Variants in CES1 observed in about 807,000 individuals in gnomAD.
The protein encoded by CES1 is carboxylesterase 1, also known as liver carboxylesterase 1.
A neutral mutation model predicts 53.0 loss-of-function variants in CES1; 50 were observed. That is an observed-to-expected ratio of 0.94 (90% CI 0.75 to 1.19). The LOEUF is 1.19. Among genes scored for constraint, CES1 ranks in the 50% most tolerant of loss-of-function variants. The probability of loss-of-function intolerance (pLI) is 0.00; values close to 1 mark genes in which losing one functional copy is unlikely to be tolerated. For missense variants in CES1, 534 were observed against 538.0 expected (o/e 0.99, Z 0.07); for synonymous variants, 202 against 210.1 (o/e 0.96, Z 0.33).
intron 4 of CES1, among the ~76,000 whole-genome samples, chr16:55,823,168 G>T (rs145974088): frequency 6.6e-6 from 1 of 151,070 alleles, no homozygotes; most frequent in Non-Finnish European, 1.5e-5. Flanking sequence ...CTTTCCATGA[G>T]AAGTCAGATG....
chr16:55,810,500 C>A lies in CES1; in HGVS notation c.1318+17G>T. 6.2e-7 allele frequency: 1 copy of A among 1,614,060 alleles called. No homozygotes were observed. The highest frequency in any genetic ancestry group is 8.5e-7 in the Non-Finnish European group (1 of 1,180,018). On this transcript the variant is annotated intron_variant, in intron 11 of 13. Transcript: ENST00000360526. ...TCGTGGGGTTTGTGTCCCTCCCGTT[C>A]GACCTCTGGGACTCACCTCTGTGGT... is the stretch of plus-strand genomic sequence containing the variant.
chr16:55,809,529 C>G (rs1169578008), intron 11 of CES1, among the ~76,000 whole-genome samples: 1 of 152,244 alleles, frequency 6.6e-6, no homozygotes, highest in African/African-American at 2.4e-5. Flanking sequence ...AGACACTCCT[C>G]TCTAGGTGAG....
chr16:55,827,857 T>A (rs2032478184), intron 2 of CES1: 1 of 152,176 alleles, frequency 6.6e-6, no homozygotes. Flanking sequence ...AAAACTGGAA[T>A]ACAAACAATA....
chr16:55,826,945 TC>T (rs1290093055), intron 2 of CES1, among the ~76,000 whole-genome samples: 1 of 152,200 alleles, frequency 6.6e-6, no homozygotes, highest in Non-Finnish European at 1.5e-5. Flanking sequence ...CATTTAAGCC[TC>T]AGACTAGTCC....
In CES1 at chr16:55,820,446, G is replaced by T. The variant is rs376173751; in HGVS notation, c.727C>A (p.Arg243=). 2.3e-5 allele frequency: 37 copies of T among 1,594,910 alleles called. No individual in the cohort carries two copies. Among genetic ancestry groups the T allele is most frequent in the Non-Finnish European group, 3.0e-5 (35 of 1,168,042 alleles). Residue 243 remains arginine, a synonymous_variant, in exon 6 of 14, where the codon CGG becomes AGG. Coordinates refer to ENST00000360526, the MANE Select transcript of CES1 (RefSeq NM_001025195.2). The stretch of plus-strand genomic sequence containing the variant: ...GCCACGCCACTCTCAGAAATGGCCC[G>T]GTGGAAGAGGTTCTTGGCCAATGGA... ...LSPLAKNLFH[R]AISESGVALT...
Position 55,825,413 on chromosome 16 carries a change from C to T in CES1, c.405+738G>A, listed in dbSNP as rs542741132. 2.8e-4 allele frequency among the ~76,000 whole-genome samples: 42 copies of T among 152,366 alleles called. No homozygotes were observed. In the South Asian group the frequency reaches 6.0e-3, roughly 22 times the overall value. The stretch of plus-strand genomic sequence containing the variant: ...ACCCTCCCCACCCTCCAACCTGCAG[C>T]TGGCGGGCTGCCCCATGTCCTGCCC... On this transcript the variant is annotated intron_variant, in intron 3 of 13. Coordinates refer to ENST00000360526, the MANE Select transcript of CES1 (RefSeq NM_001025195.2).
chr16:55,811,524 C>A (rs1023291080), intron 9 of CES1, among the ~76,000 whole-genome samples: 10 of 152,184 alleles, frequency 6.6e-5, no homozygotes, highest in Non-Finnish European at 1.3e-4. Context: ...CACATAACAA[C>A]TCTTCCCAAA....
intron 9 of CES1, 96 bp from the exon 10 acceptor site, chr16:55,811,106 C>A: frequency 9.7e-7 from 1 of 1,035,042 alleles, no homozygotes; most frequent in South Asian, 1.3e-5. Context: ...GTCTGAAAGT[C>A]CTCTAATTAT....
At chr16:55,808,605 T>A (rs1339541722) in intron 11 of CES1, among the ~76,000 whole-genome samples, 7 of 152,214 alleles carry the variant, frequency 4.6e-5, no homozygotes, top group African/African-American at 1.7e-4. Context: ...TTGTCCAACC[T>A]AGTTATTTAC....
chr16:55,821,409 T>C lies in CES1; in HGVS notation c.652A>G (p.Ile218Val). 3 of 1,614,160 alleles carry C rather than the reference T, an allele frequency of 1.9e-6. No homozygotes were observed. The highest frequency in any genetic ancestry group is 1.6e-4 in the Middle Eastern group (1 of 6,062). The stretch of plus-strand genomic sequence containing the variant: ...TCTCCTCCCGCTGACTCTCCAAAGA[T>C]GGTCACAGAGCCTGGGTTCCCTCCA... ...SFGGNPGSVT[I>V]FGESAGGESV... Residue 218 changes from isoleucine (I) to valine (V), a missense_variant, in exon 5 of 14, where the codon ATC (isoleucine) becomes GTC (valine). By Grantham distance (29) the Ile-to-Val change is conservative (BLOSUM62 3). Transcript: ENST00000360526.
Position 55,819,488 on chromosome 16 carries a change from C to G in CES1, c.906+47G>C, listed in dbSNP as rs1246131851. On this transcript the variant is annotated intron_variant, in intron 7 of 13. Coordinates refer to ENST00000360526, the MANE Select transcript of CES1 (RefSeq NM_001025195.2). ...AAGAGGACAGCTGAAATGAAGAAGT[C>G]TGGGACCAAGTTTACAGGGTTTGGG... 9.9e-6 allele frequency: 14 copies of G among 1,415,840 alleles called. No homozygotes were observed. The African/African-American group carries it at 1.4e-4, about 14-fold the overall frequency. 87.7% of individuals were successfully genotyped at this position (1,415,840 alleles called of 1,614,324 possible).
intron 8 of CES1, among the ~76,000 whole-genome samples, chr16:55,813,248 A>T (rs111513847): frequency 4.6e-5 from 7 of 152,324 alleles, no homozygotes; most frequent in Admixed American, 3.3e-4. Context: ...TGCTCAGGTG[A>T]TGAGGAGAGG....
chr16:55,806,572 AAC>A (rs2031513275), intron 11 of CES1, 108 bp from the exon 12 acceptor site: 2 of 32,318 alleles, frequency 6.2e-5, no homozygotes, highest in Non-Finnish European at 1.4e-4. Context: ...ACAGTAGAGA[AAC>A]AGAGTCTCAG....
chr16:55,810,693 C>G (rs752376454), intron 10 of CES1, 29 bp from the exon 11 acceptor site: 2 of 1,613,090 alleles, frequency 1.2e-6, no homozygotes, highest in Non-Finnish European at 1.7e-6. Flanking sequence ...TGACCACCAG[C>G]CCCGGGTGAG....
chr16:55,810,547 G>A lies in CES1; in HGVS notation c.1288C>T (p.Pro430Ser). 6.2e-7 allele frequency: 1 copy of A among 1,614,094 alleles called. No individual in the cohort carries two copies. Among genetic ancestry groups the A allele is most frequent in the African/African-American group, 1.3e-5 (1 of 74,964 alleles). Residue 430 changes from proline to serine, a missense_variant, in exon 11 of 14, where the codon CCA (proline) becomes TCA (serine). By Grantham distance (74) the Pro-to-Ser change is moderately conservative (BLOSUM62 -1). This residue lies in a region of CES1 where 269 missense variants were observed against 206.6 expected (regional missense o/e 1.30). Transcript: ENST00000360526. The part of the protein sequence containing the change: ...DLIADVMFGV[P>S]SVIVARNHRD... The stretch of plus-strand genomic sequence containing the variant: ...TGGTTCCGGGCCACAATCACAGATG[G>A]GACACCAAACATCACATCTGCTATC...
chr16:55,810,492 C>G, intron 11 of CES1, 25 bp downstream of exon 11: 1 of 1,613,970 alleles, frequency 6.2e-7, no homozygotes, highest in Non-Finnish European at 8.5e-7. Context: ...GTTTGTGTCC[C>G]TCCCGTTCGA....
chr16:55,822,643 G>A (rs1208981250), intron 4 of CES1, among the ~76,000 whole-genome samples: 2 of 152,098 alleles, frequency 1.3e-5, no homozygotes, highest in Non-Finnish European at 2.9e-5. Context: ...GGTGAGGTGG[G>A]CTGGAAACAG....
intron 8 of CES1, among the ~76,000 whole-genome samples, chr16:55,813,674 A>G (rs1162396828): frequency 1.3e-5 from 2 of 152,152 alleles, no homozygotes; most frequent in African/African-American, 2.4e-5. Context: ...GGCCAGCAGC[A>G]CTGCAGCTCC....
chr16:55,825,142 A>C (rs2032366682), intron 3 of CES1, among the ~76,000 whole-genome samples: 1 of 152,136 alleles, frequency 6.6e-6, no homozygotes. Flanking sequence ...CCCAGGTCTA[A>C]CTGTGTATAT....
Sources: gnomAD v4.1 joint callset for allele counts (sites outside exome capture counted in the v4.1 genomes callset) on GRCh38, gnomAD v4.1.1 for gene constraint, gnomAD v4.1.1 regional missense constraint, MANE v1.5 for transcripts, NCBI Gene and HGNC (gene_info 2026-07-23, HGNC 2026-07-21) for gene names.